NLRP5: variants seen among roughly 807,000 people sequenced by gnomAD.
NLRP5 encodes the protein NLR family pyrin domain containing 5.
Under a neutral mutation model 113.1 loss-of-function variants are expected in NLRP5, and 93 were observed. The ratio of observed to expected loss-of-function variants is 0.82; its 90% CI spans 0.70 to 0.98. NLRP5 has a LOEUF of 0.98. Among genes scored for constraint, NLRP5 ranks in the 50% least tolerant of loss-of-function variants. The pLI, the probability that NLRP5 is intolerant of heterozygous loss-of-function variation, is 0.00. For synonymous variants in NLRP5, 751 were observed against 600.7 expected (o/e 1.25, Z -3.66); for missense variants, 1,808 against 1,514.3 (o/e 1.19, Z -3.22).
Position 56,061,277 on chromosome 19 carries a change from C to T in NLRP5, c.3471-119C>T, listed in dbSNP as rs747117351. ...GTCATTGGTTTAACTCTTTGGGGCA[C>T]GTTCCTTAAGAGTACAAGAAAAGGT... On this transcript the variant is annotated intron_variant, in intron 14 of 14. Coordinates refer to ENST00000390649, the MANE Select transcript of NLRP5 (RefSeq NM_153447.4). 1.2e-4 allele frequency: 124 copies of T among 1,023,192 alleles called. 1 individual carries two copies. The highest frequency in any genetic ancestry group is 3.8e-4 in the East Asian group (14 of 36,684). The allele number at this position is 1,023,192 out of a possible 1,614,324, so 63.4% of individuals were successfully genotyped here.
Position 56,027,261 on chromosome 19 carries a change from C to A in NLRP5, c.1028C>A (p.Ser343Tyr). Residue 343 changes from serine (S) to tyrosine (Y), a missense_variant, in exon 7 of 15, where the codon TCC becomes TAC. By Grantham distance (144) the Ser-to-Tyr change is moderately radical. Transcript: ENST00000390649. ...TTCATCTCCAGGGAGTGGCCAGACT[C>A]CCAGGCTCCGGTGACGGAGATCATG... is the stretch of plus-strand genomic sequence containing the variant. 1.2e-6 allele frequency: 2 copies of A among 1,612,400 alleles called. No homozygotes were observed. Among genetic ancestry groups the A allele is most frequent in the Non-Finnish European group, 1.7e-6 (2 of 1,179,836 alleles).
rs1195545327 is a variant in NLRP5 at position 56,005,113 on chromosome 19, T to A, written c.442+1018T>A. Among the ~76,000 whole-genome samples the A allele has an allele frequency of 4.6e-3, 643 of 139,094 alleles. 12 individuals carry two copies. Among genetic ancestry groups the A allele is most frequent in the East Asian group, 0.033 (159 of 4,804 alleles). 91.3% of individuals were successfully genotyped at this position (139,094 alleles called of 152,430 possible). A position where few individuals can be genotyped will look rare whatever the true frequency, so the allele number is the denominator to read the frequency against. On this transcript the variant is annotated intron_variant, in intron 2 of 14. Coordinates refer to ENST00000390649, the MANE Select transcript of NLRP5 (RefSeq NM_153447.4). Reference sequence around the variant, plus strand: ...TGTCTCAAAAAAAAAAAAAAATATATATATATATATATAATATATACACAC... The same window carrying A: ...TGTCTCAAAAAAAAAAAAAAATATAAATATATATATATAATATATACACAC...
intron 13 of NLRP5, 130 bp from the exon 14 acceptor site, chr19:56,058,110 T>A: frequency 1.4e-6 from 1 of 731,732 alleles, no homozygotes; most frequent in Non-Finnish European, 2.2e-6. Context: ...CCCACCAGTT[T>A]CATTTTTTGT....
chr19:56,010,877 C>G (rs555577017), intron 3 of NLRP5, among the ~76,000 whole-genome samples: 24 of 151,286 alleles, frequency 1.6e-4, no homozygotes, highest in Non-Finnish European at 2.7e-4. Flanking sequence ...TGTGGCTGGA[C>G]ACAGTGACTC....
chr19:56,053,819 G>C lies in NLRP5; in HGVS notation c.3299+11G>C. On this transcript the variant is annotated intron_variant, in intron 13 of 14. Transcript: ENST00000390649. ...TCTGGCGAGACTCGGGTAACTTCCT[G>C]GGGCGCCTCTTTGCGGGCCGGGCTG... 1 of 1,610,546 alleles carries C rather than the reference G, an allele frequency of 6.2e-7. No homozygotes were observed. The highest frequency in any genetic ancestry group is 8.5e-7 in the Non-Finnish European group (1 of 1,177,482).
At chr19:56,024,584 T>TACACACACAC (rs369128981) in intron 6 of NLRP5, among the ~76,000 whole-genome samples, 121 of 147,312 alleles carry the variant, frequency 8.2e-4, no homozygotes, top group Admixed American at 1.6e-3. Context: ...TATATATACA[T>TACACACACAC]ACACACACAC....
At chr19:56,010,909 T>TGGGA (rs1599881330) in intron 3 of NLRP5, among the ~76,000 whole-genome samples, 1 of 151,716 alleles carries the variant, frequency 6.6e-6, no homozygotes, top group African/African-American at 2.4e-5. Flanking sequence ...CCCAGCACTT[T>TGGGA]GGGAGGCTGA....
intron 6 of NLRP5, among the ~76,000 whole-genome samples, chr19:56,021,063 G>A (rs1428520379): frequency 6.6e-6 from 1 of 151,752 alleles, no homozygotes; most frequent in African/African-American, 2.4e-5. Flanking sequence ...GTAGAGATGG[G>A]GTTTCACCAT....
At chr19:55,997,632 G>T (rs1028619236), upstream of NLRP5, among the ~76,000 whole-genome samples, 1 of 152,148 alleles carries the variant, frequency 6.6e-6, no homozygotes, top group Non-Finnish European at 1.5e-5. Flanking sequence ...AGGAGTTAGA[G>T]ACCAGCCTAG....
At position 56,028,210 on chromosome 19, in the gene NLRP5, G is replaced by C. The variant is rs373790777; in HGVS notation, c.1977G>C (p.Leu659=). The change falls in exon 7 of 15, where the codon CTG becomes CTC. Residue 659 remains leucine, a synonymous_variant. Transcript: ENST00000390649. ...TCCTGCTGGGCTGTCCCGTTCCCCTGGGGGTGAAGCAGAAGCTTCTGCACT... is the reference window on the plus strand; with the variant it reads ...TCCTGCTGGGCTGTCCCGTTCCCCTCGGGGTGAAGCAGAAGCTTCTGCACT... 1.4e-5 allele frequency: 22 copies of C among 1,613,868 alleles called. No individual in the cohort carries two copies. Among genetic ancestry groups the C allele is most frequent in the Non-Finnish European group, 1.9e-5 (22 of 1,179,880 alleles).
chr19:56,015,459 G>A (rs962739713), intron 3 of NLRP5, among the ~76,000 whole-genome samples: 1 of 152,342 alleles, frequency 6.6e-6, no homozygotes, highest in East Asian at 1.9e-4. Flanking sequence ...GCCTCCCAAA[G>A]TGCTGGTATT....
intron 8 of NLRP5, among the ~76,000 whole-genome samples, chr19:56,033,083 T>TA (rs1983184421): frequency 1.3e-5 from 2 of 151,476 alleles, no homozygotes; most frequent in South Asian, 4.2e-4. Context: ...CCATCTCTAC[T>TA]AAAAATACAA....
chr19:56,059,934 C>T lies in NLRP5; in HGVS notation c.3471-1462C>T, dbSNP rs76929699. On this transcript the variant is annotated intron_variant, in intron 14 of 14. Coordinates refer to ENST00000390649, the MANE Select transcript of NLRP5 (RefSeq NM_153447.4). Reference sequence around the variant, plus strand: ...TTTATCCAGGGTTCAAGTTATGGCACATGGGTATAACCAGGAAGAAGTCAA... The same window carrying T: ...TTTATCCAGGGTTCAAGTTATGGCATATGGGTATAACCAGGAAGAAGTCAA... 3.0e-3 allele frequency among the ~76,000 whole-genome samples: 450 copies of T among 152,226 alleles called. 3 individuals are homozygous for T. Among genetic ancestry groups the T allele is most frequent in the African/African-American group, 0.01 (434 of 41,510 alleles).
At chr19:56,009,452 C>T (rs1194558630) in intron 3 of NLRP5, among the ~76,000 whole-genome samples, 4 of 151,786 alleles carry the variant, frequency 2.6e-5, no homozygotes, top group African/African-American at 9.7e-5. Context: ...ACAAGCTCCT[C>T]CCAATAACCC....
At chr19:56,000,771 G>C (rs889936856) in intron 1 of NLRP5, among the ~76,000 whole-genome samples, 2 of 150,882 alleles carry the variant, frequency 1.3e-5, no homozygotes, top group South Asian at 4.4e-4. Context: ...ACTTTGGGAG[G>C]CCGAGGCTGG....
rs1483174349 is a variant in NLRP5, at chr19:56,039,127, A to T, written c.2786+932A>T. On this transcript the variant is annotated intron_variant, in intron 10 of 14. Coordinates refer to ENST00000390649, the MANE Select transcript of NLRP5 (RefSeq NM_153447.4). ...CTGAGTTCTCAAAACAGGTCTACGG[A>T]GCAGGTGCTGTTGATAACCCTATCG... Among the ~76,000 whole-genome samples the T allele has an allele frequency of 2.7e-5, 4 of 145,552 alleles. No individual in the cohort carries two copies. The South Asian group carries it at 8.6e-4, about 31-fold the overall frequency.
chr19:56,022,588 AAATTT>A (rs1281255817), intron 6 of NLRP5, among the ~76,000 whole-genome samples: 1 of 152,176 alleles, frequency 6.6e-6, no homozygotes, highest in African/African-American at 2.4e-5. Context: ...AGCCACAATT[AAATTT>A]ATGTAAAACA....
intron 2 of NLRP5, among the ~76,000 whole-genome samples, chr19:56,004,549 G>T (rs965984276): frequency 6.6e-6 from 1 of 152,124 alleles, no homozygotes; most frequent in Non-Finnish European, 1.5e-5. Context: ...CATTGGTAGT[G>T]GTTTGGTGCG....
intron 1 of NLRP5, among the ~76,000 whole-genome samples, 187 bp from the exon 2 acceptor site, chr19:56,003,549 C>T (rs1981735515): frequency 6.6e-6 from 1 of 152,286 alleles, no homozygotes; most frequent in Middle Eastern, 3.4e-3. Flanking sequence ...ACTAAGGGTA[C>T]AGACAACAAA....
Sources: gnomAD v4.1 joint callset for allele counts (sites outside exome capture counted in the v4.1 genomes callset) on GRCh38, gnomAD v4.1.1 for gene constraint, MANE v1.5 for transcripts, NCBI Gene and HGNC (gene_info 2026-07-23, HGNC 2026-07-21) for gene names.